The following GYPC variants were observed in gnomAD, a reference collection of about 807,000 sequenced individuals.
GYPC encodes glycophorin-C.
GYPC carries 14 observed loss-of-function variants against 12.6 expected under a neutral mutation model. The observed-to-expected ratio is 1.11, with a 90% CI of 0.74 to 1.74. The LOEUF (loss-of-function observed/expected upper bound fraction) is 1.74. GYPC is among the 40% of genes most tolerant of loss of function. The probability of loss-of-function intolerance (pLI) is 0.00; values close to 1 mark genes in which losing one functional copy is unlikely to be tolerated. For synonymous variants in GYPC, 78 were observed against 62.1 expected, an observed-to-expected ratio of 1.26 and a Z score of -1.20; for missense variants, 225 against 172.1, an observed-to-expected ratio of 1.31 and a Z score of -1.72.
chr2:126,692,334 C>T (rs1472256388), intron 2 of GYPC, among the ~76,000 whole-genome samples: 1 of 152,124 alleles, frequency 6.6e-6, no homozygotes, highest in Admixed American at 6.6e-5. Flanking sequence ...CTGTGTCCTG[C>T]TGTGGACCCC....
At chr2:126,695,547 T>A (rs1397111834) in intron 3 of GYPC, among the ~76,000 whole-genome samples, 1 of 152,206 alleles carries the variant, frequency 6.6e-6, no homozygotes, top group Non-Finnish European at 1.5e-5. Flanking sequence ...ATGGCGTGAA[T>A]GCAAAAGCAT....
intron 1 of GYPC, among the ~76,000 whole-genome samples, chr2:126,667,362 T>G (rs1682712054): frequency 6.6e-6 from 1 of 152,102 alleles, no homozygotes; most frequent in Non-Finnish European, 1.5e-5. Context: ...ACATGACTCC[T>G]ACATGCATTG....
intron 2 of GYPC, among the ~76,000 whole-genome samples, chr2:126,691,842 G>A (rs866952428): frequency 7.9e-5 from 12 of 152,242 alleles, no homozygotes; most frequent in African/African-American, 2.6e-4. Flanking sequence ...CCTAATAAAT[G>A]CTGTCTTCAC....
intron 1 of GYPC, among the ~76,000 whole-genome samples, chr2:126,688,613 C>G (rs1162806754): frequency 2.0e-5 from 3 of 152,108 alleles, no homozygotes; most frequent in African/African-American, 7.2e-5. Context: ...GACTCCAGAC[C>G]CAGAGTTCAC....
intron 1 of GYPC, among the ~76,000 whole-genome samples, chr2:126,665,148 G>A (rs1682644853): frequency 2.6e-5 from 4 of 152,328 alleles, no homozygotes; most frequent in African/African-American, 9.6e-5. Flanking sequence ...AAGATCAAGA[G>A]GAAGGATGTA....
At position 126,664,374 on chromosome 2, in the gene GYPC, T is replaced by A. The variant is rs201987846; in HGVS notation, c.49+8062T>A. ...GAGGTATTTTTATCTCCATTTTGCATGTGATGATACCGAAACTAGCAAGTG... is the reference window on the plus strand; with the variant it reads ...GAGGTATTTTTATCTCCATTTTGCAAGTGATGATACCGAAACTAGCAAGTG... On this transcript the variant is annotated intron_variant, in intron 1 of 3. Transcript: ENST00000259254. Among the ~76,000 whole-genome samples the A allele has an allele frequency of 1.5e-4, 23 of 152,186 alleles. 1 individual carries two copies. The East Asian group carries it at 4.3e-3, about 28-fold the overall frequency.
intron 1 of GYPC, among the ~76,000 whole-genome samples, chr2:126,670,058 C>A (rs1345479397): frequency 6.6e-6 from 1 of 152,152 alleles, no homozygotes. Flanking sequence ...CCTGAGAGCC[C>A]CAGTGGTTCT....
intron 1 of GYPC, chr2:126,686,786 G>A (rs761992297): frequency 3.8e-5 from 30 of 798,536 alleles, no homozygotes; most frequent in Non-Finnish European, 4.5e-5. Flanking sequence ...GTCTATTTCT[G>A]ATACCAGACC....
At position 126,693,809 on chromosome 2, in the gene GYPC, G is replaced by T. The variant is rs184325205; in HGVS notation, c.107-55G>T. On this transcript the variant is annotated intron_variant, in intron 2 of 3. Transcript: ENST00000259254. The stretch of plus-strand genomic sequence containing the variant: ...AGGATGCAGCTTGGGCCAAGGTGCT[G>T]CTAGGCATGGAGAATCTTCCTCTCT... The T allele has an allele frequency of 1.3e-5, 16 of 1,197,222 alleles. No homozygotes were observed. In the East Asian group the frequency reaches 3.3e-4, roughly 24 times the overall value. 74.2% of individuals were successfully genotyped at this position (1,197,222 alleles called of 1,614,324 possible).
intron 1 of GYPC, among the ~76,000 whole-genome samples, chr2:126,672,004 C>A (rs1376958455): frequency 2.0e-5 from 3 of 151,950 alleles, no homozygotes; most frequent in African/African-American, 2.4e-5. Flanking sequence ...GAGAGCACAG[C>A]AAGTGCAAGG....
At chr2:126,678,865 C>T (rs932904941) in intron 1 of GYPC, 1 of 152,294 alleles carries the variant, frequency 6.6e-6, no homozygotes, top group Non-Finnish European at 1.5e-5. Flanking sequence ...CCTCCTGCCG[C>T]CCCTGCGGTC....
At chr2:126,695,517 T>TA (rs1236228122) in intron 3 of GYPC, among the ~76,000 whole-genome samples, 1 of 152,158 alleles carries the variant, frequency 6.6e-6, no homozygotes, top group Non-Finnish European at 1.5e-5. Context: ...CGGTTCAACT[T>TA]ATGAGTTCTT....
chr2:126,670,494 G>A (rs958440265), intron 1 of GYPC, among the ~76,000 whole-genome samples: 1 of 152,216 alleles, frequency 6.6e-6, no homozygotes, highest in African/African-American at 2.4e-5. Flanking sequence ...AGCAATGCCT[G>A]TGTCCTCACA....
chr2:126,693,814 G>T (rs759813446), intron 2 of GYPC, 50 bp from the exon 3 acceptor site: 2 of 1,228,786 alleles, frequency 1.6e-6, no homozygotes, highest in Admixed American at 1.7e-5. Context: ...GTGCTGCTAG[G>T]CATGGAGAAT....
chr2:126,680,890 G>A (rs942270227), intron 1 of GYPC, among the ~76,000 whole-genome samples: 3 of 152,304 alleles, frequency 2.0e-5, no homozygotes, highest in South Asian at 2.1e-4. Flanking sequence ...ACAGCCTGAC[G>A]CCTGCTCACG....
rs556342797 is a variant in GYPC, at chr2:126,693,816, A to C, written c.107-48A>C. ...AGCTTGGGCCAAGGTGCTGCTAGGC[A>C]TGGAGAATCTTCCTCTCTGACCTCA... On this transcript the variant is annotated intron_variant, in intron 2 of 3. Coordinates refer to ENST00000259254, the MANE Select transcript of GYPC (RefSeq NM_002101.5). The C allele has an allele frequency of 1.9e-5, 24 of 1,253,030 alleles. No individual in the cohort carries two copies. In the East Asian group the frequency reaches 5.3e-4, roughly 28 times the overall value. The allele number at this position is 1,253,030 out of a possible 1,614,324, so 77.6% of individuals were successfully genotyped here. A position where few individuals can be genotyped will look rare whatever the true frequency, so the allele number is the denominator to read the frequency against.
intron 1 of GYPC, chr2:126,685,693 A>G: frequency 1.3e-6 from 1 of 776,106 alleles, no homozygotes; most frequent in African/African-American, 1.9e-5. Context: ...TGGTAAATTG[A>G]CTTTTCTAAC....
At chr2:126,675,472 C>T (rs955205770) in intron 1 of GYPC, among the ~76,000 whole-genome samples, 13 of 152,202 alleles carry the variant, frequency 8.5e-5, no homozygotes, top group South Asian at 4.1e-4. Context: ...CCGCCAGCCT[C>T]TCCTGCAGCT....
chr2:126,694,517 A>C (rs1441337946), intron 3 of GYPC, among the ~76,000 whole-genome samples: 1 of 152,092 alleles, frequency 6.6e-6, no homozygotes, highest in African/African-American at 2.4e-5. Context: ...TTAATAACTC[A>C]GGAAACATCT....
Sources: allele counts gnomAD v4.1 joint callset (sites outside exome capture counted in the v4.1 genomes callset), GRCh38; gene constraint gnomAD v4.1.1; transcripts MANE v1.5; gene names NCBI Gene and HGNC (gene_info 2026-07-23, HGNC 2026-07-21).